PDE4D: variants seen among roughly 807,000 people sequenced by gnomAD.
PDE4D encodes phosphodiesterase 4D, also known as 3',5'-cyclic-AMP phosphodiesterase 4D.
In PDE4D, 24 loss-of-function variants were observed where a neutral mutation model predicts 87.4. That is an observed-to-expected ratio of 0.27 (90% CI 0.20 to 0.39). PDE4D has a LOEUF of 0.39. PDE4D is among the 10% of genes least tolerant of loss of function. The probability of loss-of-function intolerance (pLI) is 1.00; values close to 1 mark genes in which losing one functional copy is unlikely to be tolerated. For missense variants in PDE4D, 714 were observed against 1,041.0 expected (o/e 0.69, Z 4.32); for synonymous variants, 384 against 383.2 (o/e 1.00, Z -0.02).
intron 1 of PDE4D, among the ~76,000 whole-genome samples, chr5:59,662,592 A>G (rs1745433266): frequency 6.6e-6 from 1 of 152,240 alleles, no homozygotes; most frequent in Non-Finnish European, 1.5e-5. Context: ...CATTCTTAAA[A>G]AAGTTACATA....
chr5:59,913,093 T>G (rs959475200), intron 3 of PDE4D, among the ~76,000 whole-genome samples: 2 of 152,118 alleles, frequency 1.3e-5, no homozygotes, highest in Non-Finnish European at 2.9e-5. Flanking sequence ...AATGACCAGA[T>G]GGTAAGCCAT....
At chr5:59,633,668 C>T (rs527866694) in intron 1 of PDE4D, among the ~76,000 whole-genome samples, 1 of 152,264 alleles carries the variant, frequency 6.6e-6, no homozygotes, top group Admixed American at 6.5e-5. Flanking sequence ...AAACAAAATC[C>T]TTTACAAACA....
chr5:59,357,649 T>G (rs1385049076), intron 1 of PDE4D, among the ~76,000 whole-genome samples: 1 of 152,190 alleles, frequency 6.6e-6, no homozygotes, highest in Non-Finnish European at 1.5e-5. Context: ...ATTTCTTAAC[T>G]CTGATAAATC....
intron 1 of PDE4D, among the ~76,000 whole-genome samples, chr5:60,194,948 C>T (rs775329757): frequency 6.6e-6 from 1 of 151,644 alleles, no homozygotes; most frequent in African/African-American, 2.4e-5. Context: ...CTGCTGTTTG[C>T]AGTATCATCC....
chr5:60,222,317 C>T (rs1583125387), intron 1 of PDE4D, among the ~76,000 whole-genome samples: 1 of 152,008 alleles, frequency 6.6e-6, no homozygotes, highest in Non-Finnish European at 1.5e-5. Flanking sequence ...GCCTCCAGCC[C>T]CAGTCAAGCT....
chr5:60,238,736 A>C (rs1445316933), intron 1 of PDE4D, among the ~76,000 whole-genome samples: 1 of 152,008 alleles, frequency 6.6e-6, no homozygotes, highest in Admixed American at 6.6e-5. Context: ...CCTTCATACA[A>C]AATGCATATT....
intron 5 of PDE4D, among the ~76,000 whole-genome samples, chr5:59,154,985 AG>A (rs1779956005): frequency 6.6e-6 from 1 of 152,228 alleles, no homozygotes; most frequent in African/African-American, 2.4e-5. Flanking sequence ...TGAGATAGGA[AG>A]AACAGATTTG....
At chr5:59,754,141 C>A (rs936423505) in intron 1 of PDE4D, among the ~76,000 whole-genome samples, 2 of 152,088 alleles carry the variant, frequency 1.3e-5, no homozygotes, top group Admixed American at 6.6e-5. Context: ...ACCAGCCTGG[C>A]AAACATGGTG....
In PDE4D at chr5:60,230,465, A is replaced by G. The variant is rs1745666917; in HGVS notation, c.-89-44778T>C. On this transcript the variant is annotated intron_variant, in intron 1 of 16. Transcript: ENST00000502484. The stretch of plus-strand genomic sequence containing the variant: ...TTTTCATTCCTTGCAAACCACCCAT[A>G]TCCCGAGTGGGTGAATTATTCTAGA... 2.6e-5 allele frequency among the ~76,000 whole-genome samples: 4 copies of G among 152,082 alleles called. No homozygotes were observed. The South Asian group carries it at 8.3e-4, about 31-fold the overall frequency.
chr5:59,356,814 C>A (rs199886636), intron 1 of PDE4D: 1 of 1,560,390 alleles, frequency 6.4e-7, no homozygotes, highest in Non-Finnish European at 8.6e-7. Context: ...GTCCTGGCAC[C>A]GTGGCTCCCA....
At chr5:60,211,663 T>G (rs1199570072) in intron 1 of PDE4D, among the ~76,000 whole-genome samples, 3 of 151,756 alleles carry the variant, frequency 2.0e-5, no homozygotes, top group Non-Finnish European at 4.4e-5. Flanking sequence ...TGTCTATGCA[T>G]CATATGCATA....
Position 60,449,986 on chromosome 5 carries a change from T to C in PDE4D, c.-90+37956A>G, listed in dbSNP as rs537977753. 6.6e-5 allele frequency among the ~76,000 whole-genome samples: 10 copies of C among 150,984 alleles called. No individual in the cohort carries two copies. In the South Asian group the frequency reaches 1.9e-3, roughly 28 times the overall value. ...TTGTGGTGATGGTTATATGAATGTA[T>C]ACATGTGTTAAAATATATAGAACTA... On this transcript the variant is annotated intron_variant, in intron 1 of 16. Coordinates refer to the PDE4D transcript ENST00000502484.
At chr5:59,383,294 A>G (rs1786276801) in intron 1 of PDE4D, among the ~76,000 whole-genome samples, 2 of 142,706 alleles carry the variant, frequency 1.4e-5, no homozygotes, top group African/African-American at 5.6e-5. Context: ...CTGCAGCCTC[A>G]CTAGCCTTCC....
At chr5:60,046,720 C>G (rs1166336839) in intron 2 of PDE4D, among the ~76,000 whole-genome samples, 1 of 152,192 alleles carries the variant, frequency 6.6e-6, no homozygotes, top group Non-Finnish European at 1.5e-5. Flanking sequence ...ATGAGGCCCA[C>G]TTGATCATGG....
intron 5 of PDE4D, among the ~76,000 whole-genome samples, chr5:59,041,294 A>C (rs1759649988): frequency 6.6e-6 from 1 of 152,224 alleles, no homozygotes; most frequent in Non-Finnish European, 1.5e-5. Flanking sequence ...CAAATATAGG[A>C]AGTCCATTGT....
At chr5:60,229,584 A>G (rs1281767444) in intron 1 of PDE4D, among the ~76,000 whole-genome samples, 1 of 152,140 alleles carries the variant, frequency 6.6e-6, no homozygotes, top group Non-Finnish European at 1.5e-5. Flanking sequence ...TGGTCTCCTG[A>G]GTTCTGAAGG....
At chr5:60,492,772 T>C (rs1183619831), upstream of PDE4D, among the ~76,000 whole-genome samples, 1 of 151,958 alleles carries the variant, frequency 6.6e-6, no homozygotes, top group Non-Finnish European at 1.5e-5. Context: ...GGGATAGCAT[T>C]AGGAGAAATA....
intron 1 of PDE4D, among the ~76,000 whole-genome samples, chr5:60,473,124 AAAGG>A (rs562842272): frequency 0.15 from 12,082 of 79,658 alleles, 1,007 homozygotes; most frequent in Admixed American, 0.19. Context: ...AGAGAGAAAG[AAAGG>A]AAGGAAGGAA....
At chr5:59,191,644 C>CT (rs1482209302) in intron 3 of PDE4D, among the ~76,000 whole-genome samples, 1 of 152,054 alleles carries the variant, frequency 6.6e-6, no homozygotes, top group Non-Finnish European at 1.5e-5. Context: ...TCTTGGCTCA[C>CT]TGCAACCTCC....
Sources: allele counts gnomAD v4.1 joint callset (sites outside exome capture counted in the v4.1 genomes callset), GRCh38; gene constraint gnomAD v4.1.1; transcripts MANE v1.5; gene names NCBI Gene and HGNC (gene_info 2026-07-23, HGNC 2026-07-21).